TSPEAR: variants seen among roughly 807,000 people sequenced by gnomAD.
TSPEAR encodes the protein thrombospondin type laminin G domain and EAR repeats.
TSPEAR carries 69 observed loss-of-function variants against 71.6 expected under a neutral mutation model. The ratio of observed to expected loss-of-function variants is 0.96; its 90% CI spans 0.79 to 1.18. The LOEUF is 1.18. Among genes scored for constraint, TSPEAR ranks in the 50% most tolerant of loss-of-function variants. The pLI is 0.00. For missense variants in TSPEAR, 971 were observed against 894.9 expected, an observed-to-expected ratio of 1.09 and a Z score of -1.09; for synonymous variants, 402 against 387.2, an observed-to-expected ratio of 1.04 and a Z score of -0.45.
At chr21:44,633,036 C>T (rs1347686269) in intron 1 of TSPEAR, among the ~76,000 whole-genome samples, 2 of 151,172 alleles carry the variant, frequency 1.3e-5, no homozygotes, top group African/African-American at 4.9e-5. Context: ...CATATATTCT[C>T]TTATAGTCTT....
In TSPEAR at chr21:44,506,715, C is replaced by G. The variant is rs1388715680; in HGVS notation, c.1755-1834G>C. 1 of 152,266 alleles carries G rather than the reference C, an allele frequency of 6.6e-6. No homozygotes were observed. Among genetic ancestry groups the G allele is most frequent in the African/African-American group, 2.4e-5 (1 of 41,462 alleles). The allele number at this position is 152,266 out of a possible 1,614,324, so 9.4% of individuals were successfully genotyped here. A position where few individuals can be genotyped will look rare whatever the true frequency, so the allele number is the denominator to read the frequency against. On this transcript the variant is annotated intron_variant, in intron 10 of 11. Coordinates refer to ENST00000323084, the MANE Select transcript of TSPEAR (RefSeq NM_144991.3). This position sits in a 1 kb window ranked among gnomAD's most constrained non-coding sequence, Gnocchi z 4.2. ...ACATGCTCTGGTCTGGAGGCACGGC[C>G]GCGGGCCCCGGGTCAGTGTGAATCC...
chr21:44,579,810 A>C lies in TSPEAR; in HGVS notation c.83-11805T>G, dbSNP rs782749513. ...GCGGGGCGGCAGAGGAGGGACACGC[A>C]GGAGGCCGGGCGGCAGCAGCTGGCC... On this transcript the variant is annotated intron_variant, in intron 1 of 11. Transcript: ENST00000323084. 8 of 1,609,684 alleles carry C rather than the reference A, an allele frequency of 5.0e-6. No homozygotes were observed. In the South Asian group the frequency reaches 8.9e-5, roughly 18 times the overall value.
intron 1 of TSPEAR, chr21:44,627,283 G>T (rs201090014): frequency 1.2e-6 from 2 of 1,612,408 alleles, no homozygotes; most frequent in Middle Eastern, 2.0e-4. Flanking sequence ...CAGCTGCTGC[G>T]CCCCGGCCCC....
chr21:44,607,355 G>C (rs1555930017), intron 1 of TSPEAR, among the ~76,000 whole-genome samples: 1 of 152,206 alleles, frequency 6.6e-6, no homozygotes, highest in Non-Finnish European at 1.5e-5. Context: ...TGGGATTACA[G>C]GGCTTGATTT....
chr21:44,556,318 C>T (rs782527925), intron 2 of TSPEAR, among the ~76,000 whole-genome samples: 3 of 152,008 alleles, frequency 2.0e-5, no homozygotes, highest in Non-Finnish European at 4.4e-5. Flanking sequence ...AGAAGTTGTA[C>T]TGAGCGGAGA....
At chr21:44,643,840 G>A (rs587603393) in intron 1 of TSPEAR, among the ~76,000 whole-genome samples, 6 of 152,326 alleles carry the variant, frequency 3.9e-5, no homozygotes, top group Non-Finnish European at 5.9e-5. Flanking sequence ...AGCAAACATC[G>A]GCTTAGTGCG....
rs1281216503 is a variant in TSPEAR, at chr21:44,663,677, TTAATAA to T, written c.82+47750_82+47755del. 2.6e-5 allele frequency among the ~76,000 whole-genome samples: 4 copies of T among 152,154 alleles called. No individual in the cohort carries two copies. The East Asian group carries it at 7.7e-4, about 29-fold the overall frequency. Reference sequence around the variant, plus strand: ...ATAGTATATAGAAAACTATATACTATTAATAATATCTCTTATGAATATAGATGCAAA... The same window carrying T: ...ATAGTATATAGAAAACTATATACTATTATCTCTTATGAATATAGATGCAAA... On this transcript the variant is annotated intron_variant, in intron 1 of 11. Transcript: ENST00000323084.
chr21:44,676,837 T>A (rs1986335665), intron 1 of TSPEAR: 8 of 961,480 alleles, frequency 8.3e-6, no homozygotes, highest in Middle Eastern at 4.2e-4. Flanking sequence ...CGTTTGTTTC[T>A]CCAAGGCTAA....
chr21:44,627,878 G>T, intron 1 of TSPEAR: 1 of 1,611,944 alleles, frequency 6.2e-7, no homozygotes, highest in Non-Finnish European at 8.5e-7. Context: ...CTCCTCTGCC[G>T]CCCTGTGTGC....
At chr21:44,578,675 C>G (rs1186330748) in intron 1 of TSPEAR, among the ~76,000 whole-genome samples, 1 of 152,168 alleles carries the variant, frequency 6.6e-6, no homozygotes, top group South Asian at 2.1e-4. Context: ...GATGGCCTTG[C>G]AGGGAGGGTA....
chr21:44,579,635 AG>A (rs35478351), intron 1 of TSPEAR: 374 of 1,161,182 alleles, frequency 3.2e-4, no homozygotes, highest in East Asian at 1.7e-3. Flanking sequence ...GGGAGTATGG[AG>A]GGGGGGGTCA....
intron 1 of TSPEAR, among the ~76,000 whole-genome samples, chr21:44,703,582 G>C (rs1196886188): frequency 6.6e-6 from 1 of 152,202 alleles, no homozygotes; most frequent in Non-Finnish European, 1.5e-5. Context: ...CCCTCTCCCC[G>C]GGAGCCCTGG....
At chr21:44,558,436 G>A (rs1555920352) in intron 2 of TSPEAR, 1 of 1,613,988 alleles carries the variant, frequency 6.2e-7, no homozygotes, top group East Asian at 2.2e-5. Context: ...TGCTGGCAGG[G>A]GGAGGATGTG....
intron 1 of TSPEAR, among the ~76,000 whole-genome samples, chr21:44,704,437 C>A (rs886129101): frequency 6.6e-6 from 1 of 152,216 alleles, no homozygotes; most frequent in Non-Finnish European, 1.5e-5. Flanking sequence ...CCAAACCGTG[C>A]GGGGTGGCCC....
Position 44,529,656 on chromosome 21 carries a change from A to G in TSPEAR, c.790+142T>C, listed in dbSNP as rs2838580. 29,759 of 934,526 alleles carry G rather than the reference A, an allele frequency of 0.032. 3,991 individuals are homozygous for G. The African/African-American group carries it at 0.34, about 11-fold the overall frequency. 57.9% of individuals were successfully genotyped at this position (934,526 alleles called of 1,614,324 possible). A position where few individuals can be genotyped will look rare whatever the true frequency, so the allele number is the denominator to read the frequency against. On this transcript the variant is annotated intron_variant, in intron 5 of 11. Coordinates refer to ENST00000323084, the MANE Select transcript of TSPEAR (RefSeq NM_144991.3). Reference sequence around the variant, plus strand: ...GGCCCCGAGTATCCCCCTGGCCAATATGACCGCTGCCCCCCGTAGCAGTGA... The same window carrying G: ...GGCCCCGAGTATCCCCCTGGCCAATGTGACCGCTGCCCCCCGTAGCAGTGA...
At chr21:44,539,733 A>T (rs201454398) in intron 2 of TSPEAR, 1 of 1,611,574 alleles carries the variant, frequency 6.2e-7, no homozygotes, top group Non-Finnish European at 8.5e-7. Context: ...ACACAGCAGG[A>T]CTGCTGGCTG....
chr21:44,539,007 G>A (rs1369933367), intron 2 of TSPEAR: 27 of 562,604 alleles, frequency 4.8e-5, no homozygotes, highest in Non-Finnish European at 8.2e-5. Flanking sequence ...AGTTTATTGG[G>A]GAGCAGGAGG....
intron 1 of TSPEAR, chr21:44,601,218 C>A: frequency 6.2e-7 from 1 of 1,606,186 alleles, no homozygotes. Context: ...GCCAATCAGG[C>A]TGCATCAGCT....
intron 1 of TSPEAR, chr21:44,654,616 A>C (rs1555942218): frequency 2.6e-6 from 4 of 1,549,920 alleles, no homozygotes; most frequent in Middle Eastern, 2.1e-4. Context: ...GTGGCACATG[A>C]TGGAGTGTGG....
Sources: allele counts gnomAD v4.1 joint callset (sites outside exome capture counted in the v4.1 genomes callset), GRCh38; gene constraint gnomAD v4.1.1; non-coding constraint Gnocchi (gnomAD v3.1); transcripts MANE v1.5; gene names NCBI Gene and HGNC (gene_info 2026-07-23, HGNC 2026-07-21).